Variants in CYP4X1 observed in about 807,000 individuals in gnomAD.
The protein encoded by CYP4X1 is cytochrome P450 family 4 subfamily X member 1.
In CYP4X1, 44 loss-of-function variants were observed where a neutral mutation model predicts 57.9. The observed-to-expected ratio is 0.76, with a 90% CI of 0.60 to 0.98. The LOEUF is 0.98. Among genes scored for constraint, CYP4X1 ranks in the 50% least tolerant of loss-of-function variants. The pLI, the probability that CYP4X1 is intolerant of heterozygous loss-of-function variation, is 0.00. For synonymous variants in CYP4X1, 227 were observed against 228.6 expected (o/e 0.99, Z 0.06); for missense variants, 532 against 623.9 (o/e 0.85, Z 1.57).
intron 11 of CYP4X1, 43 bp from the exon 12 acceptor site, chr1:47,049,957 C>T: frequency 6.3e-7 from 1 of 1,584,146 alleles, no homozygotes; most frequent in Non-Finnish European, 8.6e-7. Flanking sequence ...TCAGAAGAAA[C>T]ATCATTTTTT....
intron 8 of CYP4X1, 39 bp from the exon 9 acceptor site, chr1:47,046,428 T>G: frequency 6.2e-7 from 1 of 1,610,898 alleles, no homozygotes; most frequent in Non-Finnish European, 8.5e-7. Flanking sequence ...AGTAAACTGG[T>G]TATGATATCT....
At chr1:47,025,826 G>A (rs1318586485) in intron 1 of CYP4X1, among the ~76,000 whole-genome samples, 1 of 152,106 alleles carries the variant, frequency 6.6e-6, no homozygotes, top group Non-Finnish European at 1.5e-5. Context: ...GTTCCAGTCT[G>A]GACTGGTTGT....
chr1:46,991,038 T>TA, the CYP4X1 span, among the ~76,000 whole-genome samples: 208 of 138,684 alleles, frequency 1.5e-3, 1 homozygote, highest in East Asian at 4.1e-3. Flanking sequence ...TCCCAGAACT[T>TA]AAAAAAAAAA....
chr1:47,013,500 C>A, the CYP4X1 span, among the ~76,000 whole-genome samples: 1 of 152,120 alleles, frequency 6.6e-6, no homozygotes. Flanking sequence ...AAGAGTCTAA[C>A]TTGGCAGAAG....
chr1:46,987,205 A>T, the CYP4X1 span, among the ~76,000 whole-genome samples: 2 of 152,206 alleles, frequency 1.3e-5, no homozygotes, highest in Non-Finnish European at 2.9e-5. Context: ...GCAAATGGAA[A>T]GAAAAAATAA....
upstream of CYP4X1, among the ~76,000 whole-genome samples, chr1:47,020,701 T>C (rs944371844): frequency 3.9e-5 from 6 of 152,244 alleles, no homozygotes; most frequent in African/African-American, 1.4e-4. Flanking sequence ...AATGCTATCC[T>C]GGGATACAGC....
chr1:46,961,507 G>A, the CYP4X1 span: 1 of 1,172,206 alleles, frequency 8.5e-7, no homozygotes, highest in African/African-American at 1.6e-5. Flanking sequence ...GCCCAACTAT[G>A]TCAAAGCTGT....
intron 8 of CYP4X1, among the ~76,000 whole-genome samples, chr1:47,040,000 C>T (rs903387732): frequency 2.8e-5 from 4 of 143,088 alleles, no homozygotes; most frequent in Non-Finnish European, 4.6e-5. Context: ...ACATAATATT[C>T]GATGATATAT....
At chr1:46,976,663 C>T in the CYP4X1 span, among the ~76,000 whole-genome samples, 2 of 152,134 alleles carry the variant, frequency 1.3e-5, no homozygotes, top group African/African-American at 4.8e-5. Flanking sequence ...GTCCCTGACC[C>T]CACTGTAGCC....
intron 1 of CYP4X1, among the ~76,000 whole-genome samples, chr1:47,028,292 G>T (rs1466956414): frequency 6.6e-6 from 1 of 152,094 alleles, no homozygotes; most frequent in African/African-American, 2.4e-5. Flanking sequence ...CTCATTAGTG[G>T]TTGCCAGCTG....
chr1:46,961,559 TC>T, the CYP4X1 span: 30 of 1,226,836 alleles, frequency 2.4e-5, no homozygotes, highest in Non-Finnish European at 2.8e-5. Flanking sequence ...GAGCTGCTCT[TC>T]CTGAGAACAA....
chr1:47,017,783 AC>A, the CYP4X1 span, among the ~76,000 whole-genome samples: 3 of 152,078 alleles, frequency 2.0e-5, no homozygotes, highest in Non-Finnish European at 4.4e-5. Context: ...AAGTTGTCCC[AC>A]CTTTCCAGAG....
the CYP4X1 span, among the ~76,000 whole-genome samples, chr1:47,013,797 C>G: frequency 6.3e-5 from 8 of 126,310 alleles, no homozygotes; most frequent in Non-Finnish European, 1.1e-4. Context: ...GAGTCTTGCT[C>G]TGTCACCCAG....
At chr1:46,996,505 T>C in the CYP4X1 span, among the ~76,000 whole-genome samples, 1 of 152,144 alleles carries the variant, frequency 6.6e-6, no homozygotes, top group Non-Finnish European at 1.5e-5. Context: ...TGGCAAAACT[T>C]GGGGCTAGGA....
At chr1:46,977,567 G>A in the CYP4X1 span, among the ~76,000 whole-genome samples, 1 of 151,982 alleles carries the variant, frequency 6.6e-6, no homozygotes, top group Non-Finnish European at 1.5e-5. Context: ...ATATTATGTA[G>A]GAGAACTTCC....
rs1485369409 is a variant in CYP4X1, at chr1:47,031,455, G to C, written c.339G>C (p.Leu113=). The part of the protein sequence containing the change: ...LSRTDPKSQY[L]QKFSPPLLGK... ...CTGCAGATCCCAAGTCCCAGTACCT[G>C]CAGAAATTCTCACCTCCACTTCTTG... The change falls in exon 3 of 12, where the codon CTG becomes CTC. Residue 113 remains leucine (L), a synonymous_variant. Transcript: ENST00000371901. 2 of 1,613,934 alleles carry C rather than the reference G, an allele frequency of 1.2e-6. No homozygotes were observed. Among genetic ancestry groups the C allele is most frequent in the Admixed American group, 3.3e-5 (2 of 59,992 alleles).
the CYP4X1 span, among the ~76,000 whole-genome samples, chr1:47,009,082 C>T: frequency 6.6e-6 from 1 of 152,324 alleles, no homozygotes; most frequent in South Asian, 2.1e-4. Flanking sequence ...TAGACATCTA[C>T]AGAACTCTCC....
the CYP4X1 span, among the ~76,000 whole-genome samples, chr1:47,005,863 G>T: frequency 1.3e-5 from 2 of 152,228 alleles, no homozygotes; most frequent in African/African-American, 4.8e-5. Context: ...AAAACAAAAT[G>T]ATTTGACTTG....
the CYP4X1 span, among the ~76,000 whole-genome samples, chr1:46,984,792 G>A: frequency 1.5e-3 from 236 of 152,342 alleles, 3 homozygotes; most frequent in African/African-American, 5.4e-3. Context: ...CATTTGGACA[G>A]ACATGAAGAT....
Sources: allele counts gnomAD v4.1 joint callset (sites outside exome capture counted in the v4.1 genomes callset), GRCh38; gene constraint gnomAD v4.1.1; transcripts MANE v1.5; gene names NCBI Gene and HGNC (gene_info 2026-07-23, HGNC 2026-07-21).